Variants in ASIC2 observed in about 807,000 individuals in gnomAD.
ASIC2 encodes acid sensing ion channel subunit 2.
A neutral mutation model predicts 57.3 loss-of-function variants in ASIC2; 25 were observed. The observed-to-expected ratio is 0.44, with a 90% CI of 0.32 to 0.61. The LOEUF is 0.61. Among genes scored for constraint, ASIC2 ranks in the 20% least tolerant of loss-of-function variants. ASIC2 has a pLI of 0.06. For missense variants in ASIC2, 641 were observed against 738.1 expected, an observed-to-expected ratio of 0.87 and a Z score of 1.52; for synonymous variants, 319 against 307.5, an observed-to-expected ratio of 1.04 and a Z score of -0.39.
chr17:33,061,681 C>T (rs1354585218), intron 3 of ASIC2, among the ~76,000 whole-genome samples: 8 of 152,034 alleles, frequency 5.3e-5, no homozygotes, highest in South Asian at 2.1e-4. Context: ...CCTCATAAAA[C>T]GAGTTAGGGA....
At chr17:33,243,733 CT>C (rs1207307044) in intron 1 of ASIC2, among the ~76,000 whole-genome samples, 2 of 151,616 alleles carry the variant, frequency 1.3e-5, no homozygotes, top group Non-Finnish European at 2.9e-5. Flanking sequence ...TCTTCTAGGG[CT>C]TTTTTTCACT....
At chr17:33,466,727 C>G (rs757245185) in intron 1 of ASIC2, among the ~76,000 whole-genome samples, 8 of 151,990 alleles carry the variant, frequency 5.3e-5, no homozygotes, top group Admixed American at 2.0e-4. Context: ...ACAAACCTGA[C>G]AAGAATAAGA....
intron 1 of ASIC2, among the ~76,000 whole-genome samples, chr17:33,749,128 C>T (rs773293863): frequency 2.6e-5 from 4 of 152,128 alleles, no homozygotes; most frequent in African/African-American, 7.2e-5. Context: ...AGGAGAGAAC[C>T]GGGTTGGGGT....
At chr17:33,446,094 C>A (rs555397203) in intron 1 of ASIC2, among the ~76,000 whole-genome samples, 28 of 152,076 alleles carry the variant, frequency 1.8e-4, no homozygotes, top group Middle Eastern at 3.4e-3. Context: ...GTCTACCACA[C>A]CGCTGAAAGA....
rs758721557 is a variant in ASIC2, at chr17:33,291,691, C to T, written c.425G>A (p.Arg142His). 1.9e-6 allele frequency: 3 copies of T among 1,613,372 alleles called. No individual in the cohort carries two copies. Among genetic ancestry groups the T allele is most frequent in the Non-Finnish European group, 2.5e-6 (3 of 1,179,862 alleles). The change falls in exon 1 of 10, where the codon CGC (arginine) becomes CAC (histidine). Residue 142 changes from arginine to histidine, a missense_variant. Coordinates refer to ENST00000225823, the MANE Select transcript of ASIC2 (RefSeq NM_183377.2). ...GTCCCCCTTGGAGAGGCGCGGGAAG[C>T]GCAGCGGGTTGTTGTTGCACACAGT... The part of the protein sequence containing the change: ...AVTVCNNNPL[R>H]FPRLSKGDLY...
At chr17:33,335,217 G>T (rs1907467267) in intron 1 of ASIC2, among the ~76,000 whole-genome samples, 1 of 152,184 alleles carries the variant, frequency 6.6e-6, no homozygotes, top group Admixed American at 6.5e-5. Context: ...CCCCAGAAAT[G>T]ATATGCTCCC....
At chr17:34,007,977 C>A (rs1040424066) in intron 1 of ASIC2, among the ~76,000 whole-genome samples, 12 of 152,316 alleles carry the variant, frequency 7.9e-5, no homozygotes, top group African/African-American at 2.9e-4. Context: ...ATTTTTCAAT[C>A]ACTCAGTTTC....
chr17:33,522,774 T>G (rs1054356002), intron 1 of ASIC2, among the ~76,000 whole-genome samples: 7 of 152,210 alleles, frequency 4.6e-5, no homozygotes, highest in African/African-American at 1.7e-4. Context: ...GTGCCATGAA[T>G]TCCCACAAGA....
chr17:33,536,930 G>C (rs947526573), intron 1 of ASIC2, among the ~76,000 whole-genome samples: 1 of 152,038 alleles, frequency 6.6e-6, no homozygotes, highest in Non-Finnish European at 1.5e-5. Context: ...GGAATCACCC[G>C]AGCCTGGGGA....
chr17:33,173,186 C>T lies in ASIC2; in HGVS notation c.709-61119G>A, dbSNP rs113380907. On this transcript the variant is annotated intron_variant, in intron 1 of 9. Coordinates refer to ENST00000225823, the MANE Select transcript of ASIC2 (RefSeq NM_183377.2). ...GATGAGGCAGACTCCCGAGTCTGATCGTATAGAGAGTGAGGGGGATCCAGG... is the reference window on the plus strand; with the variant it reads ...GATGAGGCAGACTCCCGAGTCTGATTGTATAGAGAGTGAGGGGGATCCAGG... Among the ~76,000 whole-genome samples the T allele has an allele frequency of 1.1e-3, 172 of 152,236 alleles. 2 individuals carry two copies. The highest frequency in any genetic ancestry group is 3.7e-3 in the African/African-American group (153 of 41,546).
intron 1 of ASIC2, chr17:34,069,429 C>A (rs1567807995): frequency 7.2e-6 from 1 of 138,396 alleles, no homozygotes; most frequent in African/African-American, 2.7e-5. Context: ...CTCTTTTCTT[C>A]ATTTCTTTCT....
chr17:33,917,269 G>A (rs867904648), intron 1 of ASIC2, among the ~76,000 whole-genome samples: 1 of 151,962 alleles, frequency 6.6e-6, no homozygotes, highest in Non-Finnish European at 1.5e-5. Context: ...CTCTTCTTGG[G>A]TGTCCCAACA....
chr17:33,623,240 T>G (rs886961840), intron 1 of ASIC2, among the ~76,000 whole-genome samples: 10 of 145,008 alleles, frequency 6.9e-5, no homozygotes, highest in Admixed American at 5.6e-4. Flanking sequence ...GATATCGTTT[T>G]TTTTTGTTTG....
chr17:33,271,124 G>A (rs1344556613), intron 1 of ASIC2, among the ~76,000 whole-genome samples: 8 of 152,072 alleles, frequency 5.3e-5, no homozygotes, highest in Admixed American at 1.3e-4. Context: ...AGCTGACCAC[G>A]CCCCATTTGT....
intron 5 of ASIC2, among the ~76,000 whole-genome samples, chr17:33,024,360 A>T (rs1222663458): frequency 6.6e-6 from 1 of 152,134 alleles, no homozygotes; most frequent in African/African-American, 2.4e-5. Context: ...CCACCATCAA[A>T]GCAAATGTAG....
intron 1 of ASIC2, among the ~76,000 whole-genome samples, chr17:33,740,563 G>A (rs1354124466): frequency 1.3e-5 from 2 of 152,152 alleles, no homozygotes; most frequent in Non-Finnish European, 2.9e-5. Context: ...GACACTTGGG[G>A]ATTATGCGAG....
At chr17:33,717,446 G>A (rs1246263587) in intron 1 of ASIC2, among the ~76,000 whole-genome samples, 1 of 152,126 alleles carries the variant, frequency 6.6e-6, no homozygotes, top group Non-Finnish European at 1.5e-5. Context: ...TGGTGTGGAG[G>A]TGCCTGTCTG....
intron 1 of ASIC2, among the ~76,000 whole-genome samples, chr17:33,957,975 A>G (rs1264707409): frequency 1.3e-5 from 2 of 152,250 alleles, no homozygotes; most frequent in Non-Finnish European, 2.9e-5. Flanking sequence ...TCCGAAAGGG[A>G]GAAATTGGCC....
At chr17:33,432,802 A>G (rs940009690) in intron 1 of ASIC2, among the ~76,000 whole-genome samples, 1 of 152,204 alleles carries the variant, frequency 6.6e-6, no homozygotes, top group African/African-American at 2.4e-5. Context: ...ATATGAAAAA[A>G]AGCTCAACAT....
Sources: gnomAD v4.1 joint callset for allele counts (sites outside exome capture counted in the v4.1 genomes callset) on GRCh38, gnomAD v4.1.1 for gene constraint, MANE v1.5 for transcripts, NCBI Gene and HGNC (gene_info 2026-07-23, HGNC 2026-07-21) for gene names.